Variants in MARCHF3 observed in about 807,000 individuals in gnomAD.
MARCHF3 encodes the protein E3 ubiquitin-protein ligase MARCHF3.
MARCHF3 carries 13 observed loss-of-function variants against 24.2 expected under a neutral mutation model. The observed-to-expected ratio is 0.54, with a 90% CI of 0.35 to 0.85. MARCHF3 has a LOEUF of 0.85. Ranked by LOEUF, MARCHF3 falls within the 40% of genes least tolerant of loss-of-function variation. MARCHF3 has a pLI of 0.01. For synonymous variants in MARCHF3, 144 were observed against 137.3 expected (o/e 1.05, Z -0.34); for missense variants, 276 against 325.0 (o/e 0.85, Z 1.16).
chr5:126,946,025 C>T (rs1256324736), intron 1 of MARCHF3, among the ~76,000 whole-genome samples: 1 of 152,018 alleles, frequency 6.6e-6, no homozygotes, highest in Non-Finnish European at 1.5e-5. Flanking sequence ...TGGGTAGTGA[C>T]CCATTCGTGA....
At position 126,878,340 on chromosome 5, in the gene MARCHF3, C is replaced by A. The variant is rs1395237708; in HGVS notation, c.448G>T (p.Val150Leu). 6.2e-7 allele frequency: 1 copy of A among 1,614,196 alleles called. No individual in the cohort carries two copies. Among genetic ancestry groups the A allele is most frequent in the Non-Finnish European group, 8.5e-7 (1 of 1,180,028 alleles). The change falls in exon 4 of 5, where the codon GTG becomes TTG. Residue 150 changes from valine to leucine, a missense_variant. Val to Leu is a conservative substitution (Grantham distance 32, BLOSUM62 1). Transcript: ENST00000308660. Reference protein sequence around the residue: ...HEKRTLFGDMVCFLFITPLAT... With the variant: ...HEKRTLFGDMLCFLFITPLAT... The stretch of plus-strand genomic sequence containing the variant: ...AGGGGAGTTATAAACAAGAAGCACA[C>A]CATGTCGCCAAACAGAGTCCGCTTC...
intron 1 of MARCHF3, among the ~76,000 whole-genome samples, chr5:126,946,761 G>GGTGTGTGTGTGT (rs58269583): frequency 0.083 from 11,240 of 135,856 alleles, 655 homozygotes; most frequent in Admixed American, 0.16. Context: ...TGTAAGTAGG[G>GGTGTGTGTGTGT]GTGTGTGTGT....
intron 1 of MARCHF3, among the ~76,000 whole-genome samples, chr5:126,961,825 A>C (rs1750646752): frequency 6.6e-6 from 1 of 152,152 alleles, no homozygotes; most frequent in South Asian, 2.1e-4. Flanking sequence ...GCAGTCACTG[A>C]GTCATTTGAG....
intron 1 of MARCHF3, among the ~76,000 whole-genome samples, chr5:126,924,211 G>A (rs571691020): frequency 2.0e-5 from 3 of 152,310 alleles, no homozygotes; most frequent in East Asian, 1.9e-4. Flanking sequence ...ATGGCTAGAC[G>A]TCTTTCTGCT....
At chr5:126,890,075 T>C (rs1275725066) in intron 3 of MARCHF3, among the ~76,000 whole-genome samples, 2 of 152,178 alleles carry the variant, frequency 1.3e-5, no homozygotes, top group South Asian at 4.1e-4. Flanking sequence ...CCTGGACTTT[T>C]TGGATATCTT....
At chr5:126,893,118 G>A (rs1753755065) in intron 3 of MARCHF3, among the ~76,000 whole-genome samples, 1 of 151,940 alleles carries the variant, frequency 6.6e-6, no homozygotes, top group Non-Finnish European at 1.5e-5. Flanking sequence ...TTGTATTTCT[G>A]TGGGATCGGT....
chr5:126,907,947 A>T (rs924362512), intron 3 of MARCHF3, among the ~76,000 whole-genome samples: 2 of 152,088 alleles, frequency 1.3e-5, no homozygotes, highest in Non-Finnish European at 2.9e-5. Flanking sequence ...ATGATTTTGC[A>T]GCGGCTGGTA....
intron 1 of MARCHF3, 80 bp from the exon 2 acceptor site, chr5:126,918,307 T>C: frequency 2.4e-6 from 2 of 843,638 alleles, no homozygotes; most frequent in Non-Finnish European, 1.8e-6. Context: ...AACATCATCA[T>C]CATGTCATTA....
chr5:126,880,830 A>C (rs1389500948), intron 3 of MARCHF3, among the ~76,000 whole-genome samples: 4 of 152,332 alleles, frequency 2.6e-5, no homozygotes, highest in African/African-American at 9.6e-5. Context: ...CTGTACTTCC[A>C]TTTTGGAACA....
intron 3 of MARCHF3, among the ~76,000 whole-genome samples, chr5:126,912,528 T>C (rs1353774418): frequency 1.3e-5 from 2 of 152,106 alleles, no homozygotes. Flanking sequence ...AGAAATAAAG[T>C]AACACTAATC....
At chr5:126,905,966 G>A (rs377737792) in intron 3 of MARCHF3, among the ~76,000 whole-genome samples, 9 of 151,662 alleles carry the variant, frequency 5.9e-5, no homozygotes, top group Admixed American at 1.3e-4. Flanking sequence ...CATAGATAGC[G>A]CTTATTATTT....
chr5:126,990,510 T>C (rs914789863), intron 1 of MARCHF3, among the ~76,000 whole-genome samples: 2 of 151,992 alleles, frequency 1.3e-5, no homozygotes, highest in African/African-American at 2.4e-5. Context: ...GACTAAAACA[T>C]CAAAAGCAAT....
intron 4 of MARCHF3, among the ~76,000 whole-genome samples, chr5:126,877,263 C>G (rs934319931): frequency 6.6e-5 from 10 of 152,126 alleles, no homozygotes; most frequent in African/African-American, 2.4e-4. Flanking sequence ...CATGCTGACA[C>G]TGTGCTATGG....
intron 1 of MARCHF3, among the ~76,000 whole-genome samples, chr5:126,937,651 C>T (rs758502583): frequency 3.3e-5 from 5 of 152,118 alleles, no homozygotes; most frequent in Non-Finnish European, 2.9e-5. Flanking sequence ...CTGATTAACT[C>T]GATTTCTGAC....
intron 1 of MARCHF3, among the ~76,000 whole-genome samples, chr5:127,013,747 A>G (rs74858008): frequency 0.024 from 3,621 of 152,304 alleles, 73 homozygotes; most frequent in Non-Finnish European, 0.032. Flanking sequence ...TAATGAATCC[A>G]TCTATATAAG....
At chr5:127,020,810 C>T (rs1752778891) in intron 1 of MARCHF3, among the ~76,000 whole-genome samples, 1 of 152,038 alleles carries the variant, frequency 6.6e-6, no homozygotes, top group East Asian at 1.9e-4. Flanking sequence ...GACTGTGCCA[C>T]TCTACTCCAG....
At chr5:126,973,301 TG>T (rs1240529210) in intron 1 of MARCHF3, among the ~76,000 whole-genome samples, 3 of 152,240 alleles carry the variant, frequency 2.0e-5, no homozygotes, top group Non-Finnish European at 4.4e-5. Flanking sequence ...GTGGGAGTTG[TG>T]ACTATCCTGT....
chr5:126,890,987 G>C (rs1201507136), intron 3 of MARCHF3, among the ~76,000 whole-genome samples: 1 of 150,098 alleles, frequency 6.7e-6, no homozygotes, highest in East Asian at 2.0e-4. Flanking sequence ...ATTCTAACTG[G>C]TGTGAGATGG....
intron 1 of MARCHF3, among the ~76,000 whole-genome samples, chr5:126,942,926 A>G (rs189005495): frequency 6.6e-6 from 1 of 152,232 alleles, no homozygotes; most frequent in Non-Finnish European, 1.5e-5. Flanking sequence ...GATTTACACC[A>G]ATAAAGGATG....
Sources: allele counts gnomAD v4.1 joint callset (sites outside exome capture counted in the v4.1 genomes callset), GRCh38; gene constraint gnomAD v4.1.1; transcripts MANE v1.5; gene names NCBI Gene and HGNC (gene_info 2026-07-23, HGNC 2026-07-21).